HYCC1: variants seen among roughly 807,000 people sequenced by gnomAD.
HYCC1 encodes hyccin PI4KA lipid kinase complex subunit 1.
the HYCC1 span, among the ~76,000 whole-genome samples, chr7:22,924,661 G>C: frequency 2.6e-5 from 4 of 152,266 alleles, no homozygotes; most frequent in Non-Finnish European, 5.9e-5. Context: ...GCTCAGGCTT[G>C]AGTAGGTAAA....
the HYCC1 span, chr7:22,978,250 A>G: frequency 6.2e-7 from 1 of 1,610,190 alleles, no homozygotes. Context: ...AGATTTTGTT[A>G]ACTCCATTAA....
chr7:22,962,973 A>G, the HYCC1 span, among the ~76,000 whole-genome samples: 3 of 152,142 alleles, frequency 2.0e-5, no homozygotes, highest in Non-Finnish European at 4.4e-5. Flanking sequence ...ACCAGGTAGC[A>G]CTAGAGGAAT....
chr7:22,909,459 T>G, the HYCC1 span, among the ~76,000 whole-genome samples: 2 of 152,174 alleles, frequency 1.3e-5, no homozygotes, highest in Non-Finnish European at 2.9e-5. Context: ...GTCTCAAGTA[T>G]TTCTTTACAG....
chr7:22,960,112 A>C, the HYCC1 span: 4 of 793,312 alleles, frequency 5.0e-6, no homozygotes, highest in East Asian at 9.9e-5. Context: ...GCTCCTAGAT[A>C]ATAAATTAGG....
the HYCC1 span, among the ~76,000 whole-genome samples, chr7:22,927,757 C>A: frequency 3.9e-5 from 6 of 152,174 alleles, no homozygotes; most frequent in South Asian, 1.2e-3. Context: ...ACCAGAGGTA[C>A]AAGGAGGAGC....
At chr7:22,909,061 GA>G in the HYCC1 span, among the ~76,000 whole-genome samples, 1 of 152,184 alleles carries the variant, frequency 6.6e-6, no homozygotes, top group Admixed American at 6.5e-5. Flanking sequence ...AGGACAACTA[GA>G]AACCACACAT....
At chr7:22,993,206 G>T in the HYCC1 span, among the ~76,000 whole-genome samples, 3 of 152,154 alleles carry the variant, frequency 2.0e-5, no homozygotes, top group Non-Finnish European at 4.4e-5. Flanking sequence ...AAAGAACCAT[G>T]ACCCTAGAGA....
chr7:22,986,729 T>A, the HYCC1 span, among the ~76,000 whole-genome samples: 3 of 152,078 alleles, frequency 2.0e-5, no homozygotes, highest in Admixed American at 1.3e-4. Context: ...GCACCTGTAG[T>A]CCCAGCTACT....
chr7:22,932,145 G>T, the HYCC1 span, among the ~76,000 whole-genome samples: 2 of 152,174 alleles, frequency 1.3e-5, no homozygotes, highest in Admixed American at 6.5e-5. Context: ...CACAAATAGA[G>T]ATGGAGTTAT....
the HYCC1 span, among the ~76,000 whole-genome samples, chr7:22,987,157 A>G: frequency 6.6e-6 from 1 of 152,232 alleles, no homozygotes; most frequent in Non-Finnish European, 1.5e-5. Context: ...AATCTGAAAG[A>G]TAATATTTTA....
At chr7:22,913,270 A>G in the HYCC1 span, among the ~76,000 whole-genome samples, 6 of 152,246 alleles carry the variant, frequency 3.9e-5, no homozygotes, top group Non-Finnish European at 7.3e-5. Flanking sequence ...GCATTGTTGA[A>G]AACAATAGAG....
At chr7:22,968,820 T>C in the HYCC1 span, among the ~76,000 whole-genome samples, 6 of 152,188 alleles carry the variant, frequency 3.9e-5, no homozygotes, top group East Asian at 1.2e-3. Context: ...ACCCCATTTC[T>C]ACTAAAAATA....
At chr7:22,965,977 C>T in the HYCC1 span, among the ~76,000 whole-genome samples, 73 of 151,966 alleles carry the variant, frequency 4.8e-4, no homozygotes, top group Non-Finnish European at 9.3e-4. Flanking sequence ...TTTATTATAA[C>T]GAAAAGGAAG....
At chr7:22,921,156 C>G in the HYCC1 span, among the ~76,000 whole-genome samples, 1 of 152,188 alleles carries the variant, frequency 6.6e-6, no homozygotes, top group African/African-American at 2.4e-5. Flanking sequence ...AATGAGCTAA[C>G]ACATTTCTCT....
chr7:22,929,262 A>T, the HYCC1 span, among the ~76,000 whole-genome samples: 2 of 152,230 alleles, frequency 1.3e-5, no homozygotes, highest in Non-Finnish European at 2.9e-5. Flanking sequence ...AGGCAATACC[A>T]TTCAGGACAT....
chr7:22,935,633 G>A, the HYCC1 span: 3 of 152,104 alleles, frequency 2.0e-5, no homozygotes, highest in Admixed American at 1.3e-4. Context: ...GCCAATGCTT[G>A]CCTCTCTAGA....
chr7:23,007,541 A>G, the HYCC1 span, among the ~76,000 whole-genome samples: 1 of 152,146 alleles, frequency 6.6e-6, no homozygotes, highest in Non-Finnish European at 1.5e-5. Context: ...GAGCCAATCT[A>G]TTTCAAATCT....
At chr7:22,991,998 C>CT in the HYCC1 span, among the ~76,000 whole-genome samples, 1 of 151,784 alleles carries the variant, frequency 6.6e-6, no homozygotes, top group East Asian at 1.9e-4. Context: ...ATTTGCCTTA[C>CT]TTTTTTTTAA....
chr7:22,918,727 C>T, the HYCC1 span, among the ~76,000 whole-genome samples: 7 of 152,014 alleles, frequency 4.6e-5, no homozygotes, highest in African/African-American at 1.4e-4. Flanking sequence ...ACCTTGTGAC[C>T]CCCCACCCCT....
Sources: allele counts gnomAD v4.1 joint callset (sites outside exome capture counted in the v4.1 genomes callset), GRCh38; gene constraint gnomAD v4.1.1; transcripts MANE v1.5; gene names NCBI Gene and HGNC (gene_info 2026-07-23, HGNC 2026-07-21).